Variants in SDF4 observed in about 807,000 individuals in gnomAD.
SDF4 encodes stromal cell derived factor 4, also known as 45 kDa calcium-binding protein.
A neutral mutation model predicts 34.2 loss-of-function variants in SDF4; 22 were observed. The observed-to-expected ratio is 0.64, with a 90% CI of 0.46 to 0.92. SDF4 has a LOEUF of 0.92. Among genes scored for constraint, SDF4 ranks in the 40% least tolerant of loss-of-function variants. The pLI is 0.00. For synonymous variants in SDF4, 236 were observed against 203.1 expected, an observed-to-expected ratio of 1.16 and a Z score of -1.38; for missense variants, 447 against 499.9, an observed-to-expected ratio of 0.89 and a Z score of 1.01.
At chr1:1,224,849 G>A (rs1465697208) in intron 2 of SDF4, among the ~76,000 whole-genome samples, 1 of 152,190 alleles carries the variant, frequency 6.6e-6, no homozygotes, top group African/African-American at 2.4e-5. Flanking sequence ...GAATGCGAAG[G>A]TTGCAGTGAA....
At position 1,228,692 on chromosome 1, in the gene SDF4, C is replaced by T. The variant is rs61745645; in HGVS notation, c.81G>A (p.Ala27=). Reference sequence around the variant, plus strand: ...ACGAGTGGTTGGCAGGCCGTGCAGACGCGTCCATCAGAAGGACTGCCCCCA... The same window carrying T: ...ACGAGTGGTTGGCAGGCCGTGCAGATGCGTCCATCAGAAGGACTGCCCCCA... ...WLLGAVLLMD[A]SARPANHSST... Residue 27 remains alanine (A), a synonymous_variant, in exon 2 of 7, where the codon GCG becomes GCA. Transcript: ENST00000360001. 6.5e-3 allele frequency: 10,432 copies of T among 1,612,862 alleles called. 591 individuals are homozygous for T. In the African/African-American group the frequency reaches 0.12, roughly 19 times the overall value.
chr1:1,228,405 A>C, intron 2 of SDF4, 63 bp downstream of exon 2: 1 of 1,498,372 alleles, frequency 6.7e-7, no homozygotes, highest in Non-Finnish European at 8.9e-7. Flanking sequence ...CAAAGCCAGG[A>C]TAGGAACACA....
At position 1,226,707 on chromosome 1, in the gene SDF4, C is replaced by G. The variant is rs12087988; in HGVS notation, c.305+1761G>C. Among the ~76,000 whole-genome samples the G allele has an allele frequency of 4.0e-3, 602 of 152,340 alleles. 4 individuals carry two copies. The highest frequency in any genetic ancestry group is 0.013 in the African/African-American group (541 of 41,578). ...AGACCCGGAGACCTGCTGTTACTTC[C>G]CACTCCCCATGCCCACCTCCTCAAA... On this transcript the variant is annotated intron_variant, in intron 2 of 6. Transcript: ENST00000360001.
At chr1:1,226,094 G>A (rs1209421110) in intron 2 of SDF4, among the ~76,000 whole-genome samples, 4 of 152,238 alleles carry the variant, frequency 2.6e-5, no homozygotes, top group Non-Finnish European at 4.4e-5. Context: ...AGGGCAAGAC[G>A]CCCAGTGCCC....
At chr1:1,229,550 C>T (rs111760935) in intron 1 of SDF4, among the ~76,000 whole-genome samples, 1,559 of 152,274 alleles carry the variant, frequency 0.01, 26 homozygotes, top group African/African-American at 0.035. Context: ...CCTGTCTCTC[C>T]GTCTTTCCAT....
At chr1:1,220,544 T>C (rs1478341927) in intron 4 of SDF4, 9 of 1,243,564 alleles carry the variant, frequency 7.2e-6, no homozygotes, top group Non-Finnish European at 9.3e-6. Context: ...GGTCGGGGGG[T>C]CCTAGGCACC....
chr1:1,230,523 C>T (rs371735991), intron 1 of SDF4, among the ~76,000 whole-genome samples: 16 of 151,500 alleles, frequency 1.1e-4, no homozygotes, highest in African/African-American at 3.9e-4. Flanking sequence ...TGCAGTGGTG[C>T]AGTCTCGGCT....
intron 4 of SDF4, among the ~76,000 whole-genome samples, chr1:1,221,762 A>G (rs1649975008): frequency 6.6e-6 from 1 of 152,182 alleles, no homozygotes; most frequent in African/African-American, 2.4e-5. Context: ...AGAGTTTGAG[A>G]CCAACCCGGC....
intron 4 of SDF4, chr1:1,219,363 A>AG: frequency 1.9e-6 from 2 of 1,070,562 alleles, no homozygotes; most frequent in South Asian, 2.5e-5. Context: ...GACACAGCTC[A>AG]GAGCCCCTCA....
At chr1:1,227,757 A>C (rs1638357599) in intron 2 of SDF4, among the ~76,000 whole-genome samples, 1 of 152,174 alleles carries the variant, frequency 6.6e-6, no homozygotes, top group Non-Finnish European at 1.5e-5. Flanking sequence ...GTGAGTGGTC[A>C]GGTTGACCCA....
At chr1:1,227,709 A>C (rs947486001) in intron 2 of SDF4, among the ~76,000 whole-genome samples, 1 of 152,192 alleles carries the variant, frequency 6.6e-6, no homozygotes, top group Non-Finnish European at 1.5e-5. Flanking sequence ...CCGTGCCGTA[A>C]GGAGTAAGGC....
chr1:1,221,964 G>A (rs547314657), intron 4 of SDF4, among the ~76,000 whole-genome samples: 66 of 152,298 alleles, frequency 4.3e-4, no homozygotes, highest in African/African-American at 1.5e-3. Flanking sequence ...AAAGAAAGAA[G>A]AGGTGGTTTG....
chr1:1,229,981 A>G (rs76024681), intron 1 of SDF4, among the ~76,000 whole-genome samples: 17,452 of 152,270 alleles, frequency 0.11, 1,149 homozygotes, highest in East Asian at 0.17. Context: ...GCCAAGGCCG[A>G]GGAGCCCAGA....
At chr1:1,230,461 G>C (rs910113826) in intron 1 of SDF4, among the ~76,000 whole-genome samples, 1 of 143,530 alleles carries the variant, frequency 7.0e-6, no homozygotes, top group Non-Finnish European at 1.5e-5. Context: ...GCTCATGTCT[G>C]ATTTTTTTTT....
intron 4 of SDF4, chr1:1,219,203 A>AC (rs573538759): frequency 0.05 from 59,859 of 1,191,898 alleles, 1,709 homozygotes; most frequent in African/African-American, 0.29. Flanking sequence ...GACAGCCTGG[A>AC]CCCCCCCCTG....
Position 1,218,985 on chromosome 1 carries a change from G to A in SDF4, c.557-58C>T, listed in dbSNP as rs1351827909. The A allele has an allele frequency of 1.2e-6, 2 of 1,612,428 alleles. No individual in the cohort carries two copies. Among genetic ancestry groups the A allele is most frequent in the Non-Finnish European group, 1.7e-6 (2 of 1,179,790 alleles). On this transcript the variant is annotated intron_variant, in intron 4 of 6. Transcript: ENST00000360001. This position sits in a 1 kb window ranked among gnomAD's most constrained non-coding sequence, Gnocchi z 7.9. The stretch of plus-strand genomic sequence containing the variant: ...CGACAGACGCCAGCACGCAAATCCA[G>A]AAAGTTCCGAGAGGTGCTGCCTGAA...
intron 2 of SDF4, among the ~76,000 whole-genome samples, chr1:1,224,555 C>G (rs970790511): frequency 6.6e-6 from 1 of 152,216 alleles, no homozygotes; most frequent in African/African-American, 2.4e-5. Context: ...GCTAGGATTA[C>G]AGGTGTGGCC....
chr1:1,226,349 G>A (rs771895498), intron 2 of SDF4, among the ~76,000 whole-genome samples: 25 of 119,706 alleles, frequency 2.1e-4, no homozygotes, highest in Non-Finnish European at 3.6e-4. Context: ...GTACGGTCAG[G>A]AGGAAACATG....
In SDF4 at chr1:1,217,091, A is replaced by G. The variant is rs1256069431; in HGVS notation, c.*421T>C. On this transcript the variant is annotated 3_prime_UTR_variant, in exon 7 of 7. Transcript: ENST00000360001. The surrounding 1 kb of genome is among the most constrained non-coding windows in gnomAD (Gnocchi z 8.5). ...ACTCATTTCCAGCGAAGTTTAATCT[A>G]TTTTTAATAATCGTTCAGTTTTCAA... 1 of 152,156 alleles carries G rather than the reference A, an allele frequency of 6.6e-6. No individual in the cohort carries two copies. The highest frequency in any genetic ancestry group is 6.5e-5 in the Admixed American group (1 of 15,272). The allele number at this position is 152,156 out of a possible 1,614,324, so 9.4% of individuals were successfully genotyped here.
Sources: allele counts gnomAD v4.1 joint callset (sites outside exome capture counted in the v4.1 genomes callset), GRCh38; gene constraint gnomAD v4.1.1; non-coding constraint Gnocchi (gnomAD v3.1); transcripts MANE v1.5; gene names NCBI Gene and HGNC (gene_info 2026-07-23, HGNC 2026-07-21).